Variants in PRSS23 observed in about 807,000 individuals in gnomAD.
PRSS23 encodes protease, serine 23.
Under a neutral mutation model 34.7 loss-of-function variants are expected in PRSS23, and 25 were observed. That is an observed-to-expected ratio of 0.72 (90% confidence interval 0.53 to 1.01). The LOEUF is 1.01. Ranked by LOEUF, PRSS23 falls within the 50% of genes least tolerant of loss-of-function variation. PRSS23 has a pLI of 0.00. For missense variants in PRSS23, 445 were observed against 475.6 expected, an observed-to-expected ratio of 0.94 and a Z score of 0.60; for synonymous variants, 176 against 186.6, an observed-to-expected ratio of 0.94 and a Z score of 0.46.
intron 2 of PRSS23, among the ~76,000 whole-genome samples, chr11:86,850,558 A>G (rs532999248): frequency 6.6e-6 from 1 of 152,268 alleles, no homozygotes; most frequent in South Asian, 2.1e-4. Context: ...AAATATTCCT[A>G]ACACCAGGAT....
intron 2 of PRSS23, among the ~76,000 whole-genome samples, chr11:86,850,026 T>C (rs1252385326): frequency 2.0e-5 from 3 of 152,080 alleles, no homozygotes; most frequent in East Asian, 3.9e-4. Context: ...GGATAGAAAG[T>C]AGGAAAAAGG....
Position 86,807,887 on chromosome 11 carries a change from A to G in PRSS23, c.244A>G (p.Lys82Glu). Reference sequence around the variant, plus strand: ...TCCACTGCCCACTTACGAAGAGGCCAAGCAATATCTGTCTTATGAAACGCT... The same window carrying G: ...TCCACTGCCCACTTACGAAGAGGCCGAGCAATATCTGTCTTATGAAACGCT... ...GTPLPTYEEA[K>E]QYLSYETLYA... The change falls in exon 2 of 2, where the codon AAG becomes GAG. Residue 82 changes from lysine (K) to glutamate (E), a missense_variant. Physicochemically the swap from Lys to Glu is moderately conservative, Grantham distance 56. Transcript: ENST00000280258. 6.2e-7 allele frequency: 1 copy of G among 1,614,154 alleles called. No homozygotes were observed. Among genetic ancestry groups the G allele is most frequent in the Non-Finnish European group, 8.5e-7 (1 of 1,180,032 alleles).
intron 2 of PRSS23, among the ~76,000 whole-genome samples, chr11:86,827,510 T>C (rs1337140596): frequency 6.6e-6 from 1 of 152,160 alleles, no homozygotes; most frequent in Non-Finnish European, 1.5e-5. Context: ...CTGCTCTGAT[T>C]TTAGTTATTT....
At chr11:86,843,886 C>T (rs1948466829) in intron 2 of PRSS23, among the ~76,000 whole-genome samples, 1 of 152,146 alleles carries the variant, frequency 6.6e-6, no homozygotes, top group Non-Finnish European at 1.5e-5. Flanking sequence ...ACTAGAAATA[C>T]CATCTGACCC....
In PRSS23 at chr11:86,952,444, T is replaced by G. The variant is rs766980472; in HGVS notation, c.*1159T>G. ...GGATGTTGATCTTCTCTGTGCACAT[T>G]GGCACATAAACAGAACAAAGGAAGA... is the stretch of plus-strand genomic sequence containing the variant. On this transcript the variant is annotated 3_prime_UTR_variant, in exon 3 of 3. Transcript: ENST00000533902. 2.5e-6 allele frequency: 4 copies of G among 1,613,552 alleles called. No homozygotes were observed. In the African/African-American group the frequency reaches 5.3e-5, roughly 22 times the overall value.
chr11:86,866,630 G>A (rs984523809), intron 2 of PRSS23, among the ~76,000 whole-genome samples: 1 of 152,174 alleles, frequency 6.6e-6, no homozygotes, highest in Non-Finnish European at 1.5e-5. Flanking sequence ...TGATTTCAAT[G>A]TGGTTTGTTT....
intron 2 of PRSS23, among the ~76,000 whole-genome samples, chr11:86,856,835 C>G (rs1195364618): frequency 6.6e-6 from 1 of 152,066 alleles, no homozygotes; most frequent in Non-Finnish European, 1.5e-5. Flanking sequence ...GGAGGCCGCC[C>G]AGATATAGAG....
intron 2 of PRSS23, chr11:86,948,808 T>C (rs1242051050): frequency 1.3e-5 from 2 of 152,560 alleles, no homozygotes; most frequent in African/African-American, 4.8e-5. Context: ...TGACACATTA[T>C]GAAGAAAACT....
intron 2 of PRSS23, among the ~76,000 whole-genome samples, chr11:86,907,634 A>G (rs1235615718): frequency 6.6e-6 from 1 of 151,736 alleles, no homozygotes; most frequent in Non-Finnish European, 1.5e-5. Flanking sequence ...TAATTTTTGT[A>G]TTTTTCGTAG....
intron 2 of PRSS23, among the ~76,000 whole-genome samples, chr11:86,927,809 G>A (rs994084683): frequency 6.6e-6 from 1 of 152,132 alleles, no homozygotes; most frequent in African/African-American, 2.4e-5. Context: ...GAGGTCAGGA[G>A]TTTGAGACCA....
At chr11:86,895,477 C>CTTTTTTTTTTTTTTTTTTTTT (rs71040269) in intron 2 of PRSS23, among the ~76,000 whole-genome samples, 1 of 86,636 alleles carries the variant, frequency 1.2e-5, no homozygotes. Context: ...TTATTTTATC[C>CTTTTTTTTTTTTTTTTTTTTT]TTTTTTTTTT....
At chr11:86,837,405 G>C (rs923133537) in intron 2 of PRSS23, 1 of 152,182 alleles carries the variant, frequency 6.6e-6, no homozygotes, top group African/African-American at 2.4e-5. Context: ...TACTCGAGTA[G>C]GTGGGCCTTG....
intron 2 of PRSS23, chr11:86,933,866 G>C (rs763290835): frequency 1.3e-5 from 2 of 152,104 alleles, no homozygotes; most frequent in Admixed American, 6.5e-5. Flanking sequence ...CCATGATTTG[G>C]AACGAGCCCA....
In PRSS23 at chr11:86,808,282, G is replaced by T. The variant is rs1310289333; in HGVS notation, c.639G>T (p.Met213Ile). 2.5e-6 allele frequency: 4 copies of T among 1,613,948 alleles called. No individual in the cohort carries two copies. The highest frequency in any genetic ancestry group is 1.7e-6 in the Non-Finnish European group (2 of 1,180,038). Residue 213 changes from methionine (M) to isoleucine (I), a missense_variant, in exon 2 of 2, where the codon ATG (methionine) becomes ATT (isoleucine). Physicochemically the swap from Met to Ile is conservative, Grantham distance 10. Coordinates refer to ENST00000280258, the MANE Select transcript of PRSS23 (RefSeq NM_007173.6). Reference protein sequence around the residue: ...GRGANDSTSAMPEQMKFQWIR... With the variant: ...GRGANDSTSAIPEQMKFQWIR... The stretch of plus-strand genomic sequence containing the variant: ...GGGCCAACGACTCCACTTCAGCCAT[G>T]CCCGAGCAGATGAAATTTCAGTGGA...
chr11:86,884,440 C>T (rs1948789606), intron 2 of PRSS23, among the ~76,000 whole-genome samples: 1 of 152,152 alleles, frequency 6.6e-6, no homozygotes, highest in Admixed American at 6.5e-5. Flanking sequence ...GCTGGGATTA[C>T]AGGCACGTGC....
chr11:86,818,444 A>T (rs921471674), intron 1 of PRSS23, among the ~76,000 whole-genome samples: 1 of 152,198 alleles, frequency 6.6e-6, no homozygotes, highest in African/African-American at 2.4e-5. Flanking sequence ...ATCAATTTGT[A>T]TTTAGTAAGT....
At chr11:86,890,259 GA>G (rs1948832555) in intron 2 of PRSS23, among the ~76,000 whole-genome samples, 2 of 149,956 alleles carry the variant, frequency 1.3e-5, no homozygotes, top group African/African-American at 5.0e-5. Flanking sequence ...AACAGAGTGA[GA>G]TTCCATCTCC....
intron 2 of PRSS23, among the ~76,000 whole-genome samples, chr11:86,824,846 A>C (rs1267411188): frequency 6.6e-6 from 1 of 152,062 alleles, no homozygotes; most frequent in African/African-American, 2.4e-5. Flanking sequence ...TCCATGATGT[A>C]TATGTGCCAC....
chr11:86,901,624 C>G (rs1239920574), intron 2 of PRSS23, among the ~76,000 whole-genome samples: 2 of 152,106 alleles, frequency 1.3e-5, no homozygotes, highest in Non-Finnish European at 2.9e-5. Context: ...GCCTCTAATT[C>G]AAAGTCTCTT....
Sources: gnomAD v4.1 joint callset for allele counts (sites outside exome capture counted in the v4.1 genomes callset) on GRCh38, gnomAD v4.1.1 for gene constraint, MANE v1.5 for transcripts, NCBI Gene and HGNC (gene_info 2026-07-23, HGNC 2026-07-21) for gene names.